LGMN: variants seen among roughly 807,000 people sequenced by gnomAD.
LGMN encodes asparaginyl endopeptidase.
In LGMN, 36 loss-of-function variants were observed where a neutral mutation model predicts 56.8. That is an observed-to-expected ratio of 0.63 (90% CI 0.49 to 0.84). The LOEUF is 0.84. Among genes scored for constraint, LGMN ranks in the 40% least tolerant of loss-of-function variants. LGMN has a pLI of 0.00. For synonymous variants in LGMN, 199 were observed against 210.1 expected, an observed-to-expected ratio of 0.95 and a Z score of 0.46; for missense variants, 446 against 556.1, an observed-to-expected ratio of 0.80 and a Z score of 1.99.
chr14:92,747,289 G>A (rs1403845323), intron 1 of LGMN, among the ~76,000 whole-genome samples: 1 of 151,832 alleles, frequency 6.6e-6, no homozygotes, highest in Admixed American at 6.6e-5. Flanking sequence ...TCAGGAGTTC[G>A]AGACCAGTCT....
At chr14:92,717,829 T>G (rs1277600908) in intron 3 of LGMN, among the ~76,000 whole-genome samples, 2 of 152,174 alleles carry the variant, frequency 1.3e-5, no homozygotes, top group Non-Finnish European at 2.9e-5. Flanking sequence ...AACAAGACTT[T>G]AATACAAGAG....
intron 13 of LGMN, 83 bp downstream of exon 13, chr14:92,704,557 T>C (rs1889325968): frequency 1.6e-6 from 2 of 1,262,978 alleles, no homozygotes; most frequent in Admixed American, 1.7e-5. Context: ...GAAGTGAAAA[T>C]GCCCACTTGC....
intron 1 of LGMN, chr14:92,741,585 T>A (rs980886055): frequency 3.9e-5 from 6 of 152,158 alleles, no homozygotes; most frequent in Non-Finnish European, 7.3e-5. Flanking sequence ...GCACGGGGGC[T>A]CACACCTGTA....
At chr14:92,729,786 C>T (rs924477795) in intron 2 of LGMN, among the ~76,000 whole-genome samples, 3 of 152,200 alleles carry the variant, frequency 2.0e-5, no homozygotes, top group Non-Finnish European at 4.4e-5. Context: ...AAATGGCAGC[C>T]GGCTGAGGAC....
At position 92,718,759 on chromosome 14, in the gene LGMN, G is replaced by A; in HGVS notation, c.224C>T (p.Ala75Val). Residue 75 changes from alanine to valine, a missense_variant, in exon 3 of 14, where the codon GCT becomes GTT. By Grantham distance (64) the Ala-to-Val change is moderately conservative. Coordinates refer to ENST00000334869, the MANE Select transcript of LGMN (RefSeq NM_005606.7). ...QIVVMMYDDI[A>V]YSEDNPTPGI... ...GTTCCCCACTTACTCTTCAGAGTAA[G>A]CAATGTCATCGTACATCATCACAAC... is the stretch of plus-strand genomic sequence containing the variant. 1 of 1,609,914 alleles carries A rather than the reference G, an allele frequency of 6.2e-7. No homozygotes were observed. Among genetic ancestry groups the A allele is most frequent in the Non-Finnish European group, 8.5e-7 (1 of 1,176,536 alleles).
intron 8 of LGMN, 71 bp from the exon 9 acceptor site, chr14:92,712,026 CCTT>C (rs1260605139): frequency 6.0e-6 from 7 of 1,161,834 alleles, no homozygotes; most frequent in South Asian, 3.8e-5. Context: ...AAGCTTGAGT[CCTT>C]CTTTCTCCCC....
At chr14:92,720,250 G>A (rs908200088) in intron 2 of LGMN, among the ~76,000 whole-genome samples, 7 of 152,172 alleles carry the variant, frequency 4.6e-5, no homozygotes, top group Non-Finnish European at 7.3e-5. Flanking sequence ...GCCTTATCTC[G>A]TTTAATTCTC....
chr14:92,742,156 AC>A (rs34757540), intron 1 of LGMN, among the ~76,000 whole-genome samples: 4 of 149,448 alleles, frequency 2.7e-5, no homozygotes, highest in African/African-American at 9.9e-5. Flanking sequence ...AATTCCACTA[AC>A]CCCCCCTCAC....
chr14:92,721,999 G>A (rs983994869), intron 2 of LGMN, among the ~76,000 whole-genome samples: 7 of 152,152 alleles, frequency 4.6e-5, no homozygotes, highest in African/African-American at 2.4e-5. Context: ...CCTTCACTAT[G>A]ATTACATTTG....
chr14:92,718,641 T>TTA (rs1491158140), intron 3 of LGMN, 106 bp downstream of exon 3: 1 of 665,156 alleles, frequency 1.5e-6, no homozygotes, highest in Non-Finnish European at 2.7e-6. Flanking sequence ...TGGGAGTCTC[T>TTA]TATATATTTT....
intron 1 of LGMN, among the ~76,000 whole-genome samples, chr14:92,746,937 G>A (rs2140289157): frequency 6.6e-6 from 1 of 151,620 alleles, no homozygotes; most frequent in African/African-American, 2.4e-5. Context: ...TCGGGAGGCC[G>A]AGGCAGGAGA....
chr14:92,712,789 C>A lies in LGMN; in HGVS notation c.610+16G>T. The A allele has an allele frequency of 6.2e-7, 1 of 1,612,228 alleles. No homozygotes were observed. Among genetic ancestry groups the A allele is most frequent in the Non-Finnish European group, 8.5e-7 (1 of 1,179,124 alleles). On this transcript the variant is annotated intron_variant, in intron 8 of 13. Transcript: ENST00000334869. ...GCTTGCCAGCCCAGGTCGAGGCCGG[C>A]GCCCCAACCACCTACCATTGATGTT...
intron 2 of LGMN, among the ~76,000 whole-genome samples, chr14:92,722,453 C>T (rs578228598): frequency 1.4e-4 from 22 of 152,110 alleles, no homozygotes; most frequent in African/African-American, 5.3e-4. Flanking sequence ...CATGGTGGTG[C>T]ATGCCTGTAA....
At position 92,742,301 on chromosome 14, in the gene LGMN, TTTTTC is replaced by T. The variant is rs980954944; in HGVS notation, c.-30+6183_-30+6187del. Reference sequence around the variant, plus strand: ...GCTGTTTTTTGTTTTGCTTTTTTTTTTTTTCTTTTTTTTTGAGACAGAGTCTCACT... The same window carrying T: ...GCTGTTTTTTGTTTTGCTTTTTTTTTTTTTTTTTTGAGACAGAGTCTCACT... On this transcript the variant is annotated intron_variant, in intron 1 of 13. Transcript: ENST00000334869. Among the ~76,000 whole-genome samples the T allele has an allele frequency of 9.5e-5, 10 of 104,830 alleles. 1 individual carries two copies. The South Asian group carries it at 1.1e-3, about 11-fold the overall frequency. The allele number at this position is 104,830 out of a possible 152,430, so 68.8% of individuals were successfully genotyped here.
rs185933910 is a variant in LGMN, at chr14:92,740,197, G to A, written c.-29-7382C>T. Among the ~76,000 whole-genome samples the A allele has an allele frequency of 2.6e-5, 4 of 152,290 alleles. No individual in the cohort carries two copies. In the East Asian group the frequency reaches 5.8e-4, roughly 22 times the overall value. On this transcript the variant is annotated intron_variant, in intron 1 of 13. Transcript: ENST00000334869. ...CGGGAGGCAGAGGTTGCAGTGAGGCGAGATCGCGCCATTGCACTCCAGCCT... is the reference window on the plus strand; with the variant it reads ...CGGGAGGCAGAGGTTGCAGTGAGGCAAGATCGCGCCATTGCACTCCAGCCT...
At position 92,718,831 on chromosome 14, in the gene LGMN, T is replaced by C. The variant is rs760945330; in HGVS notation, c.152A>G (p.His51Arg). 2.1e-5 allele frequency: 34 copies of C among 1,612,578 alleles called. No individual in the cohort carries two copies. The South Asian group carries it at 3.6e-4, about 17-fold the overall frequency. ...ATTGCGGTGAATGATCTGGTAGGCA[T>C]GGCACGCGTCTGCCTGGGAGAAATG... is the stretch of plus-strand genomic sequence containing the variant. ...YNYRHQADAC[H>R]AYQIIHRNGI... is the part of the protein sequence containing the mutation. Residue 51 changes from histidine (H) to arginine (R), a missense_variant, in exon 3 of 14, where the codon CAT becomes CGT. By Grantham distance (29) the His-to-Arg change is conservative. Coordinates refer to ENST00000334869, the MANE Select transcript of LGMN (RefSeq NM_005606.7).
intron 10 of LGMN, among the ~76,000 whole-genome samples, chr14:92,710,641 AAC>A (rs1889713648): frequency 6.6e-6 from 1 of 152,350 alleles, no homozygotes; most frequent in Non-Finnish European, 1.5e-5. Context: ...TCTATATAAA[AAC>A]ACAGAGTTTG....
chr14:92,712,042 G>A, intron 8 of LGMN, 87 bp from the exon 9 acceptor site: 1 of 1,038,890 alleles, frequency 9.6e-7, no homozygotes, highest in Non-Finnish European at 1.5e-6. Context: ...TTCTCCCCCG[G>A]TGAAATCGAA....
At chr14:92,731,783 CAT>C (rs961647686) in intron 2 of LGMN, among the ~76,000 whole-genome samples, 8 of 152,162 alleles carry the variant, frequency 5.3e-5, no homozygotes, top group South Asian at 2.1e-4. Context: ...TGTGTAGACA[CAT>C]GTTTTCACCT....
Sources: allele counts gnomAD v4.1 joint callset (sites outside exome capture counted in the v4.1 genomes callset), GRCh38; gene constraint gnomAD v4.1.1; transcripts MANE v1.5; gene names NCBI Gene and HGNC (gene_info 2026-07-23, HGNC 2026-07-21).